Variants in ST6GALNAC3 observed in about 807,000 individuals in gnomAD.
ST6GALNAC3 encodes alpha-N-acetylgalactosaminide alpha-2,6-sialyltransferase 3.
A neutral mutation model predicts 32.7 loss-of-function variants in ST6GALNAC3; 25 were observed. That is an observed-to-expected ratio of 0.76 (90% CI 0.56 to 1.07). ST6GALNAC3 has a LOEUF of 1.07. Among genes scored for constraint, ST6GALNAC3 ranks in the 50% least tolerant of loss-of-function variants. The pLI is 0.00. For synonymous variants in ST6GALNAC3, 129 were observed against 133.1 expected (o/e 0.97, Z 0.21); for missense variants, 355 against 382.4 (o/e 0.93, Z 0.60).
intron 2 of ST6GALNAC3, among the ~76,000 whole-genome samples, chr1:76,404,199 G>C (rs550605150): frequency 3.9e-5 from 6 of 152,188 alleles, no homozygotes; most frequent in African/African-American, 1.2e-4. Context: ...TAGAGTCAGA[G>C]CTAAACCATC....
chr1:76,338,866 A>G (rs549836653), intron 2 of ST6GALNAC3, among the ~76,000 whole-genome samples: 40 of 152,338 alleles, frequency 2.6e-4, no homozygotes, highest in Admixed American at 2.2e-3. Flanking sequence ...TGGGCATCAC[A>G]TCTGGTTATG....
intron 1 of ST6GALNAC3, among the ~76,000 whole-genome samples, chr1:76,157,127 C>T (rs990712695): frequency 6.7e-5 from 10 of 148,922 alleles, no homozygotes; most frequent in African/African-American, 2.4e-4. Flanking sequence ...AAGCTCTCAG[C>T]TGACAGCAAG....
At chr1:76,589,902 T>TA (rs1251587394) in intron 3 of ST6GALNAC3, among the ~76,000 whole-genome samples, 1 of 151,888 alleles carries the variant, frequency 6.6e-6, no homozygotes, top group African/African-American at 2.4e-5. Context: ...CAATCGTCCT[T>TA]ACATTCTCCC....
chr1:76,625,022 C>T (rs2100716503), intron 3 of ST6GALNAC3, among the ~76,000 whole-genome samples: 1 of 152,038 alleles, frequency 6.6e-6, no homozygotes, highest in Non-Finnish European at 1.5e-5. Flanking sequence ...TCAACCATCT[C>T]ATTTTAGACA....
intron 1 of ST6GALNAC3, among the ~76,000 whole-genome samples, chr1:76,253,498 G>A (rs555228342): frequency 1.8e-3 from 267 of 152,230 alleles, no homozygotes; most frequent in Non-Finnish European, 2.9e-3. Flanking sequence ...AAGAGATTAT[G>A]TCAACACACC....
In ST6GALNAC3 at chr1:76,630,808, TGTTAA is replaced by T. The variant is rs1649258893; in HGVS notation, c.*2006_*2010del. ...CTTATGCAATTTTTAATTCTATGAATGTTAAGTTTTTTTGAGCTAATGATAGATAG... is the reference window on the plus strand; with the variant it reads ...CTTATGCAATTTTTAATTCTATGAATGTTTTTTTGAGCTAATGATAGATAG... On this transcript the variant is annotated 3_prime_UTR_variant, in exon 5 of 5. Transcript: ENST00000328299. 2.0e-6 allele frequency: 2 copies of T among 985,546 alleles called. No homozygotes were observed. Among genetic ancestry groups the T allele is most frequent in the African/African-American group, 1.7e-5 (1 of 57,208 alleles). The allele number at this position is 985,546 out of a possible 1,614,324, so 61.1% of individuals were successfully genotyped here. A position where few individuals can be genotyped will look rare whatever the true frequency, so the allele number is the denominator to read the frequency against.
chr1:76,543,717 C>T (rs1664127862), intron 3 of ST6GALNAC3, among the ~76,000 whole-genome samples: 2 of 152,160 alleles, frequency 1.3e-5, no homozygotes. Context: ...CCCACAGACT[C>T]ACAAAGGCCA....
At chr1:76,227,063 T>C (rs1370267927) in intron 1 of ST6GALNAC3, among the ~76,000 whole-genome samples, 1 of 152,188 alleles carries the variant, frequency 6.6e-6, no homozygotes, top group Non-Finnish European at 1.5e-5. Flanking sequence ...GTGATTTGAG[T>C]TCCTAGTGTA....
At chr1:76,581,492 A>G (rs373508730) in intron 3 of ST6GALNAC3, among the ~76,000 whole-genome samples, 2 of 152,252 alleles carry the variant, frequency 1.3e-5, no homozygotes, top group Non-Finnish European at 2.9e-5. Context: ...CTGGGGAGCA[A>G]TGGTAAACAG....
At chr1:76,220,884 G>T (rs1655724378) in intron 1 of ST6GALNAC3, among the ~76,000 whole-genome samples, 1 of 152,162 alleles carries the variant, frequency 6.6e-6, no homozygotes, top group Non-Finnish European at 1.5e-5. Flanking sequence ...TTGCAAAACT[G>T]CCTGGTGAAA....
intron 2 of ST6GALNAC3, among the ~76,000 whole-genome samples, chr1:76,330,561 C>G (rs770074850): frequency 1.3e-5 from 2 of 152,172 alleles, no homozygotes; most frequent in Non-Finnish European, 2.9e-5. Flanking sequence ...CTTAGCCAAC[C>G]GTTCTGGAGG....
chr1:76,635,654 C>T (rs950673721), downstream of ST6GALNAC3, among the ~76,000 whole-genome samples: 6 of 152,156 alleles, frequency 3.9e-5, no homozygotes, highest in Non-Finnish European at 8.8e-5. Context: ...TTTGTTTCTC[C>T]CTCAAACATA....
At chr1:76,621,617 C>T (rs1430138985) in intron 3 of ST6GALNAC3, among the ~76,000 whole-genome samples, 1 of 151,988 alleles carries the variant, frequency 6.6e-6, no homozygotes, top group East Asian at 1.9e-4. Flanking sequence ...GAAATTGTTT[C>T]CACACTTTGA....
chr1:76,303,327 G>C (rs1275166514), intron 1 of ST6GALNAC3, among the ~76,000 whole-genome samples: 1 of 151,946 alleles, frequency 6.6e-6, no homozygotes, highest in Non-Finnish European at 1.5e-5. Flanking sequence ...CCTAGAAAAA[G>C]TGGGGTTTTG....
chr1:76,218,725 G>A (rs946511839), intron 1 of ST6GALNAC3, among the ~76,000 whole-genome samples: 2 of 152,066 alleles, frequency 1.3e-5, no homozygotes, highest in African/African-American at 4.8e-5. Flanking sequence ...ATTAGCTAAG[G>A]GTTATATTGC....
intron 1 of ST6GALNAC3, among the ~76,000 whole-genome samples, chr1:76,211,029 T>C (rs1336167318): frequency 6.6e-6 from 1 of 152,212 alleles, no homozygotes; most frequent in Admixed American, 6.5e-5. Context: ...CGGCCTCTCT[T>C]CCTCTTCTTA....
At chr1:76,557,701 C>G (rs910416782) in intron 3 of ST6GALNAC3, among the ~76,000 whole-genome samples, 1 of 152,026 alleles carries the variant, frequency 6.6e-6, no homozygotes, top group Non-Finnish European at 1.5e-5. Flanking sequence ...GTTATTCTAC[C>G]TCTCTCCCCA....
chr1:76,338,224 G>T (rs184553043), intron 2 of ST6GALNAC3, among the ~76,000 whole-genome samples: 1 of 152,150 alleles, frequency 6.6e-6, no homozygotes, highest in Non-Finnish European at 1.5e-5. Flanking sequence ...GGTTTTTGCT[G>T]ATAAATATAA....
At chr1:76,080,368 G>A (rs934784351) in intron 1 of ST6GALNAC3, among the ~76,000 whole-genome samples, 1 of 152,066 alleles carries the variant, frequency 6.6e-6, no homozygotes, top group African/African-American at 2.4e-5. Context: ...TCAAGGATGT[G>A]GCATGGATTT....
Sources: gnomAD v4.1 joint callset for allele counts (sites outside exome capture counted in the v4.1 genomes callset) on GRCh38, gnomAD v4.1.1 for gene constraint, MANE v1.5 for transcripts, NCBI Gene and HGNC (gene_info 2026-07-23, HGNC 2026-07-21) for gene names.